Variants in SNED1 observed in about 807,000 individuals in gnomAD.
The protein encoded by SNED1 is sushi, nidogen and EGF like domains 1, also known as sushi, nidogen and EGF-like domain-containing protein 1.
SNED1 carries 81 observed loss-of-function variants against 166.7 expected under a neutral mutation model. That is an observed-to-expected ratio of 0.49 (90% CI 0.41 to 0.58). The LOEUF is 0.58. Ranked by LOEUF, SNED1 falls within the 20% of genes least tolerant of loss-of-function variation. The pLI is 0.00. For synonymous variants in SNED1, 762 were observed against 822.0 expected, an observed-to-expected ratio of 0.93 and a Z score of 1.25; for missense variants, 1,604 against 2,000.2, an observed-to-expected ratio of 0.80 and a Z score of 3.78.
At chr2:241,000,154 C>T (rs113807312) in intron 1 of SNED1, among the ~76,000 whole-genome samples, 18 of 152,306 alleles carry the variant, frequency 1.2e-4, no homozygotes, top group Non-Finnish European at 2.6e-4. Context: ...CCCCAGCTTC[C>T]CGTCGTCACC....
At chr2:241,038,384 A>C (rs2061434724) in intron 6 of SNED1, among the ~76,000 whole-genome samples, 1 of 152,196 alleles carries the variant, frequency 6.6e-6, no homozygotes, top group Admixed American at 6.5e-5. Context: ...CTATAGTTGA[A>C]TGGCAGTAAG....
Position 241,064,781 on chromosome 2 carries a change from CG to C in SNED1, c.2600-59del, listed in dbSNP as rs1030376070. 3 of 1,209,506 alleles carry C rather than the reference CG, an allele frequency of 2.5e-6. No homozygotes were observed. Among genetic ancestry groups the C allele is most frequent in the African/African-American group, 1.6e-5 (1 of 62,558 alleles). The allele number at this position is 1,209,506 out of a possible 1,614,324, so 74.9% of individuals were successfully genotyped here. ...GGACCCAGTGCCCCAGGAGCAAGGG[CG>C]GGGCTGGAGCAGGGACCCCTGGCCA... On this transcript the variant is annotated intron_variant, in intron 19 of 31. Transcript: ENST00000310397. This position sits in a 1 kb window ranked among gnomAD's most constrained non-coding sequence, Gnocchi z 7.0.
intron 1 of SNED1, among the ~76,000 whole-genome samples, chr2:241,003,554 CT>C (rs944990977): frequency 2.3e-4 from 35 of 152,238 alleles, no homozygotes; most frequent in African/African-American, 7.2e-4. Flanking sequence ...TGGGAGTCAG[CT>C]TTTCCACACA....
chr2:241,065,685 C>A, intron 21 of SNED1, 90 bp downstream of exon 21: 1 of 1,109,858 alleles, frequency 9.0e-7, no homozygotes, highest in Non-Finnish European at 1.3e-6. Flanking sequence ...GCTGTCATGC[C>A]GTCCACCCTC....
upstream of SNED1, among the ~76,000 whole-genome samples, chr2:240,998,471 T>G (rs990997889): frequency 3.3e-5 from 5 of 152,266 alleles, no homozygotes; most frequent in East Asian, 9.7e-4. Flanking sequence ...TCACCTTGCC[T>G]GTGCCCACGC....
rs990616858 is a variant in SNED1, at chr2:241,018,666, G to C, written c.214-11618G>C. On this transcript the variant is annotated intron_variant, in intron 1 of 31. Coordinates refer to ENST00000310397, the MANE Select transcript of SNED1 (RefSeq NM_001080437.3). The surrounding 1 kb of genome is among the most constrained non-coding windows in gnomAD (Gnocchi z 5.4). ...AAGGCCAGCAGGAGCACCCGTGTGA[G>C]AGCCACAGAGACGCCCTGCTCCCAG... Among the ~76,000 whole-genome samples, 41 of 152,172 alleles carry C rather than the reference G, an allele frequency of 2.7e-4. No homozygotes were observed. Among genetic ancestry groups the C allele is most frequent in the Non-Finnish European group, 1.2e-4 (8 of 68,034 alleles).
Position 241,063,938 on chromosome 2 carries a change from C to T in SNED1, c.2486-74C>T, listed in dbSNP as rs2062329186. 1.5e-5 allele frequency: 18 copies of T among 1,161,840 alleles called. No homozygotes were observed. In the South Asian group the frequency reaches 1.6e-4, roughly 10 times the overall value. The allele number at this position is 1,161,840 out of a possible 1,614,324, so 72.0% of individuals were successfully genotyped here. ...CGCCCCTAGACTCCTCCTTTCCCTT[C>T]TTCCCGCTGTCCTCTCCTCCCTCCC... On this transcript the variant is annotated intron_variant, in intron 18 of 31. Transcript: ENST00000310397.
intron 31 of SNED1, chr2:241,088,889 G>A (rs1273751836): frequency 5.0e-6 from 1 of 200,140 alleles, no homozygotes; most frequent in Non-Finnish European, 1.0e-5. Flanking sequence ...GGAACTAAAA[G>A]TGGGGCAGGG....
chr2:241,035,049 G>A (rs1465731216), intron 4 of SNED1, among the ~76,000 whole-genome samples: 1 of 152,116 alleles, frequency 6.6e-6, no homozygotes, highest in Non-Finnish European at 1.5e-5. Context: ...GGTTTCGGGG[G>A]TAAAGAGTTC....
At chr2:241,072,449 G>A (rs761824701) in intron 26 of SNED1, 23 of 356,180 alleles carry the variant, frequency 6.5e-5, no homozygotes, top group Non-Finnish European at 8.8e-5. Flanking sequence ...AGGCAGGCGC[G>A]ACCCTGCCCC....
At position 241,088,067 on chromosome 2, in the gene SNED1, G is replaced by A. The variant is rs564894017; in HGVS notation, c.4206-298G>A. 3.2e-4 allele frequency: 145 copies of A among 457,242 alleles called. 2 individuals carry two copies. Among genetic ancestry groups the A allele is most frequent in the Non-Finnish European group, 5.0e-4 (129 of 257,758 alleles). The allele number at this position is 457,242 out of a possible 1,614,324, so 28.3% of individuals were successfully genotyped here. A position where few individuals can be genotyped will look rare whatever the true frequency, so the allele number is the denominator to read the frequency against. ...TGCTGCTCGGCCTGTGCACGTCACCGGCTCTTCCCTAGGGTAGCTTTTGCT... is the reference window on the plus strand; with the variant it reads ...TGCTGCTCGGCCTGTGCACGTCACCAGCTCTTCCCTAGGGTAGCTTTTGCT... On this transcript the variant is annotated intron_variant, in intron 30 of 31. Coordinates refer to ENST00000310397, the MANE Select transcript of SNED1 (RefSeq NM_001080437.3).
chr2:241,081,876 G>A, intron 28 of SNED1, 83 bp downstream of exon 28: 1 of 1,033,138 alleles, frequency 9.7e-7, no homozygotes, highest in Non-Finnish European at 1.5e-6. Flanking sequence ...AGCTGGGTTT[G>A]CCACGGGAGC....
chr2:241,052,401 C>T lies in SNED1; in HGVS notation c.2016C>T (p.Cys672=), dbSNP rs776621352. The change falls in exon 15 of 32, where the codon TGC becomes TGT. Residue 672 remains cysteine (C), a synonymous_variant. Transcript: ENST00000310397. ...FRSPCVNGGT[C]EDRDTDFFCH... is the part of the protein sequence containing the mutation. Reference sequence around the variant, plus strand: ...GCCCGTGTGTGAATGGGGGCACCTGCGAGGACCGGGACACGGATTTCTTCT... The same window carrying T: ...GCCCGTGTGTGAATGGGGGCACCTGTGAGGACCGGGACACGGATTTCTTCT... 34 of 1,597,868 alleles carry T rather than the reference C, an allele frequency of 2.1e-5. No individual in the cohort carries two copies. In the East Asian group the frequency reaches 2.2e-4, roughly 10 times the overall value.
At position 241,084,712 on chromosome 2, in the gene SNED1, C is replaced by G. The variant is rs150015857; in HGVS notation, c.4121+2348C>G. ...TTTATTGTACATCTGCCTGCCGACTCCAGCACTCTTCATTCCTTTTTGTAG... is the reference window on the plus strand; with the variant it reads ...TTTATTGTACATCTGCCTGCCGACTGCAGCACTCTTCATTCCTTTTTGTAG... On this transcript the variant is annotated intron_variant, in intron 29 of 31. Transcript: ENST00000310397. Among the ~76,000 whole-genome samples, 170 of 152,338 alleles carry G rather than the reference C, an allele frequency of 1.1e-3. 1 individual carries two copies. The highest frequency in any genetic ancestry group is 3.6e-3 in the African/African-American group (151 of 41,570).
intron 16 of SNED1, among the ~76,000 whole-genome samples, chr2:241,058,072 T>C (rs1203863100): frequency 1.3e-5 from 2 of 151,876 alleles, no homozygotes; most frequent in Non-Finnish European, 2.9e-5. Context: ...TCCTAAAACA[T>C]AAGACTATAC....
chr2:241,063,573 C>T lies in SNED1; in HGVS notation c.2372-14C>T. 6.4e-7 allele frequency: 1 copy of T among 1,572,836 alleles called. No homozygotes were observed. Among genetic ancestry groups the T allele is most frequent in the Non-Finnish European group, 8.7e-7 (1 of 1,151,736 alleles). Reference sequence around the variant, plus strand: ...TTGAGCCAGCAACACCCTTGACACCCCTTCTCTGTGCAGAGAGGGATGAGT... The same window carrying T: ...TTGAGCCAGCAACACCCTTGACACCTCTTCTCTGTGCAGAGAGGGATGAGT... On this transcript the variant is annotated splice_polypyrimidine_tract_variant and intron_variant, in intron 17 of 31. Transcript: ENST00000310397.
Position 241,065,580 on chromosome 2 carries a change from C to T in SNED1, c.2995C>T (p.Leu999=), listed in dbSNP as rs2062406885. The change falls in exon 21 of 32, where the codon CTG becomes TTG. Residue 999 remains leucine, a synonymous_variant. Coordinates refer to ENST00000310397, the MANE Select transcript of SNED1 (RefSeq NM_001080437.3). ...GAATGACATCAGCAGGCCTGCCGTG[C>T]TGCTGGCCCGCACGCGTGAGTGTCC... is the stretch of plus-strand genomic sequence containing the variant. ...NKNDISRPAV[L]LARTRPRPVE... The T allele has an allele frequency of 5.0e-6, 8 of 1,612,054 alleles. No homozygotes were observed. The highest frequency in any genetic ancestry group is 5.9e-6 in the Non-Finnish European group (7 of 1,179,726).
At chr2:241,027,936 T>C (rs985250713) in intron 1 of SNED1, among the ~76,000 whole-genome samples, 7 of 152,144 alleles carry the variant, frequency 4.6e-5, no homozygotes, top group Non-Finnish European at 8.8e-5. Context: ...GGTTTCACCA[T>C]GTTAGCCAGG....
chr2:241,052,348 C>A lies in SNED1; in HGVS notation c.1970-7C>A. On this transcript the variant is annotated splice_region_variant and splice_polypyrimidine_tract_variant and intron_variant, in intron 14 of 31. Coordinates refer to ENST00000310397, the MANE Select transcript of SNED1 (RefSeq NM_001080437.3). Reference sequence around the variant, plus strand: ...ACAGTGGCCAGGACCTTCCTGCATTCTGGCAGCCCCCTCCCCCTGCTTCCG... The same window carrying A: ...ACAGTGGCCAGGACCTTCCTGCATTATGGCAGCCCCCTCCCCCTGCTTCCG... 6.4e-7 allele frequency: 1 copy of A among 1,566,870 alleles called. No individual in the cohort carries two copies. Among genetic ancestry groups the A allele is most frequent in the Non-Finnish European group, 8.7e-7 (1 of 1,154,092 alleles).
Sources: allele counts gnomAD v4.1 joint callset (sites outside exome capture counted in the v4.1 genomes callset), GRCh38; gene constraint gnomAD v4.1.1; non-coding constraint Gnocchi (gnomAD v3.1); transcripts MANE v1.5; gene names NCBI Gene and HGNC (gene_info 2026-07-23, HGNC 2026-07-21).